Variants in IGSF11 observed in about 807,000 individuals in gnomAD.
The protein encoded by IGSF11 is CXADR like 1.
In IGSF11, 22 loss-of-function variants were observed where a neutral mutation model predicts 41.0. The ratio of observed to expected loss-of-function variants is 0.54; its 90% CI spans 0.38 to 0.77. IGSF11 has a LOEUF of 0.77. Among genes scored for constraint, IGSF11 ranks in the 30% least tolerant of loss-of-function variants. The pLI is 0.00. For synonymous variants in IGSF11, 219 were observed against 201.3 expected, an observed-to-expected ratio of 1.09 and a Z score of -0.74; for missense variants, 444 against 530.8, an observed-to-expected ratio of 0.84 and a Z score of 1.61.
intron 4 of IGSF11, among the ~76,000 whole-genome samples, chr3:118,921,787 C>G (rs1209183065): frequency 6.6e-6 from 1 of 152,042 alleles, no homozygotes; most frequent in African/African-American, 2.4e-5. Flanking sequence ...ACAAAAAACA[C>G]ATTTTCCAGA....
chr3:118,926,768 G>T (rs568687042), intron 3 of IGSF11, among the ~76,000 whole-genome samples: 5 of 152,138 alleles, frequency 3.3e-5, no homozygotes, highest in Non-Finnish European at 7.3e-5. Context: ...TAAGGTTCAG[G>T]TAAAAGCAGA....
intron 1 of IGSF11, among the ~76,000 whole-genome samples, chr3:119,044,905 T>C (rs1048890127): frequency 1.3e-5 from 2 of 151,108 alleles, no homozygotes; most frequent in Non-Finnish European, 3.0e-5. Flanking sequence ...CTAAAAGGAG[T>C]TCTAAATCTT....
chr3:118,907,724 A>T (rs989930097), intron 4 of IGSF11, among the ~76,000 whole-genome samples: 1 of 152,196 alleles, frequency 6.6e-6, no homozygotes. Context: ...ATAACTCAAA[A>T]AAGCTATGAA....
chr3:118,949,658 G>C (rs1944429639), intron 1 of IGSF11, among the ~76,000 whole-genome samples: 1 of 152,234 alleles, frequency 6.6e-6, no homozygotes, highest in Admixed American at 6.5e-5. Flanking sequence ...AAATTAGGTG[G>C]GCATTGCTGC....
At chr3:118,915,501 T>TC (rs1344453336) in intron 4 of IGSF11, among the ~76,000 whole-genome samples, 1 of 34,988 alleles carries the variant, frequency 2.9e-5, no homozygotes, top group East Asian at 6.5e-4. Flanking sequence ...GAAGAAAGGG[T>TC]ATCAGCAATG....
At chr3:119,138,257 A>T (rs1351585453) in intron 1 of IGSF11, among the ~76,000 whole-genome samples, 14 of 152,110 alleles carry the variant, frequency 9.2e-5, no homozygotes, top group Admixed American at 9.2e-4. Flanking sequence ...TGTCAAAGAG[A>T]TATCTTCACT....
chr3:118,903,024 C>T (rs983787744), intron 6 of IGSF11, 63 bp from the exon 7 acceptor site: 40 of 1,454,192 alleles, frequency 2.8e-5, no homozygotes, highest in Non-Finnish European at 3.7e-5. Flanking sequence ...TCCTCCTACC[C>T]TGGAATCTTT....
At chr3:119,083,126 CTTTTTTT>C (rs79620142) in intron 1 of IGSF11, among the ~76,000 whole-genome samples, 1 of 129,116 alleles carries the variant, frequency 7.7e-6, no homozygotes, top group South Asian at 2.5e-4. Flanking sequence ...TTTCTTTTTT[CTTTTTTT>C]TTTTTTTTTG....
chr3:118,989,700 AT>A, intron 1 of IGSF11, among the ~76,000 whole-genome samples: 1 of 152,248 alleles, frequency 6.6e-6, no homozygotes, highest in East Asian at 1.9e-4. Context: ...GAAGCTAACA[AT>A]TTTTTAAATG....
chr3:118,990,459 T>C (rs563277972), intron 1 of IGSF11, among the ~76,000 whole-genome samples: 1 of 152,294 alleles, frequency 6.6e-6, no homozygotes, highest in Non-Finnish European at 1.5e-5. Flanking sequence ...CCTGATGTTA[T>C]GAAGGGGAGA....
intron 1 of IGSF11, chr3:118,983,320 T>C (rs1934932568): frequency 6.6e-6 from 1 of 152,186 alleles, no homozygotes; most frequent in African/African-American, 2.4e-5. Context: ...GTTAAGTAAC[T>C]TACCTAAGTG....
chr3:118,959,253 C>T (rs1181952316), intron 1 of IGSF11, among the ~76,000 whole-genome samples: 1 of 152,136 alleles, frequency 6.6e-6, no homozygotes, highest in Non-Finnish European at 1.5e-5. Context: ...TCCGCTTAGA[C>T]AAGATACAAG....
intron 1 of IGSF11, among the ~76,000 whole-genome samples, chr3:118,942,169 G>A (rs1480424344): frequency 1.3e-5 from 2 of 152,290 alleles, no homozygotes; most frequent in East Asian, 1.9e-4. Flanking sequence ...TTAGAAAAAG[G>A]TATGTTGGGA....
Position 119,012,532 on chromosome 3 carries a change from G to A in IGSF11, c.52+21999C>T, listed in dbSNP as rs745608301. Among the ~76,000 whole-genome samples, 20 of 152,204 alleles carry A rather than the reference G, an allele frequency of 1.3e-4. No individual in the cohort carries two copies. In the East Asian group the frequency reaches 3.9e-3, roughly 29 times the overall value. ...AGATCTGGCTGGCTCATCAACACAA[G>A]AAGTAGAAAATGGATACAAATGGCT... is the stretch of plus-strand genomic sequence containing the variant. On this transcript the variant is annotated intron_variant, in intron 1 of 6. Coordinates refer to ENST00000393775, the MANE Select transcript of IGSF11 (RefSeq NM_001015887.3).
intron 1 of IGSF11, among the ~76,000 whole-genome samples, chr3:119,033,093 G>A (rs147120836): frequency 0.011 from 1,708 of 152,246 alleles, 13 homozygotes; most frequent in Admixed American, 0.017. Flanking sequence ...CTGAGTCTGC[G>A]AATTGTATCA....
chr3:119,037,098 GATA>G (rs1162287530), upstream of IGSF11, among the ~76,000 whole-genome samples: 1 of 152,160 alleles, frequency 6.6e-6, no homozygotes, highest in Non-Finnish European at 1.5e-5. Flanking sequence ...AATTCATAGA[GATA>G]ATACCATTGA....
At chr3:119,132,579 C>G (rs768090157) in intron 1 of IGSF11, among the ~76,000 whole-genome samples, 6 of 151,980 alleles carry the variant, frequency 3.9e-5, no homozygotes, top group Non-Finnish European at 8.8e-5. Context: ...AAAGCAAGTC[C>G]TTAGAGACCT....
intron 1 of IGSF11, among the ~76,000 whole-genome samples, chr3:119,114,824 G>A (rs2107524279): frequency 6.6e-6 from 1 of 152,292 alleles, no homozygotes; most frequent in Non-Finnish European, 1.5e-5. Context: ...CTATCAAGAA[G>A]TACCTAACAC....
At chr3:119,001,041 T>C (rs1936772993) in intron 1 of IGSF11, among the ~76,000 whole-genome samples, 1 of 152,140 alleles carries the variant, frequency 6.6e-6, no homozygotes, top group South Asian at 2.1e-4. Context: ...TCTTCAATCA[T>C]GCCAAGCATG....
Sources: allele counts gnomAD v4.1 joint callset (sites outside exome capture counted in the v4.1 genomes callset), GRCh38; gene constraint gnomAD v4.1.1; transcripts MANE v1.5; gene names NCBI Gene and HGNC (gene_info 2026-07-23, HGNC 2026-07-21).